The following SHOC1 variants were observed in gnomAD, a reference collection of about 807,000 sequenced individuals.
SHOC1 encodes protein shortage in chiasmata 1 ortholog.
In SHOC1, 136 loss-of-function variants were observed where a neutral mutation model predicts 179.2. That is an observed-to-expected ratio of 0.76 (90% CI 0.66 to 0.87). The LOEUF is 0.87. Among genes scored for constraint, SHOC1 ranks in the 40% least tolerant of loss-of-function variants. The pLI, the probability that SHOC1 is intolerant of heterozygous loss-of-function variation, is 0.00. For synonymous variants in SHOC1, 489 were observed against 586.6 expected (o/e 0.83, Z 2.41); for missense variants, 1,538 against 1,700.8 (o/e 0.90, Z 1.68).
intron 18 of SHOC1, among the ~76,000 whole-genome samples, chr9:111,710,299 A>G (rs7019560): frequency 0.057 from 8,675 of 152,212 alleles, 630 homozygotes; most frequent in African/African-American, 0.17. Flanking sequence ...GATACATGAT[A>G]ACTTTGTCAA....
chr9:111,717,465 C>T (rs975535578), intron 16 of SHOC1, among the ~76,000 whole-genome samples: 3 of 151,782 alleles, frequency 2.0e-5, no homozygotes, highest in East Asian at 1.9e-4. Flanking sequence ...TGGTGGCGGG[C>T]GCCTGTAATT....
chr9:111,695,879 T>C (rs1019823558), intron 24 of SHOC1, among the ~76,000 whole-genome samples: 2 of 152,216 alleles, frequency 1.3e-5, no homozygotes, highest in African/African-American at 4.8e-5. Flanking sequence ...GTTGATATGC[T>C]ACAGCGATGC....
rs868770816 is a variant in SHOC1, at chr9:111,706,663, T to C, written c.2642A>G (p.Asn881Ser). ...AGTCCAACAAGAGTCTTCCACATAA[T>C]TGTATTCCACCACAAATGAGAAATT... The part of the protein sequence containing the change: ...WSNFSFVVEY[N>S]YVEDSCWTKH... The change falls in exon 20 of 28, where the codon AAT becomes AGT. Residue 881 changes from asparagine to serine, a missense_variant. Transcript: ENST00000682961. 4 of 1,609,222 alleles carry C rather than the reference T, an allele frequency of 2.5e-6. No individual in the cohort carries two copies. The highest frequency in any genetic ancestry group is 3.3e-4 in the Middle Eastern group (2 of 6,044).
chr9:111,753,204 A>C (rs1013670620), intron 8 of SHOC1, among the ~76,000 whole-genome samples: 1 of 152,252 alleles, frequency 6.6e-6, no homozygotes, highest in African/African-American at 2.4e-5. Context: ...ACGCTTGCTC[A>C]GTTGCCTTCA....
intron 12 of SHOC1, among the ~76,000 whole-genome samples, chr9:111,734,905 A>G (rs937849976): frequency 1.3e-5 from 2 of 152,182 alleles, no homozygotes; most frequent in African/African-American, 4.8e-5. Context: ...GGTTTGGGCT[A>G]TGACTGATCC....
At chr9:111,688,286 T>C (rs189241180) in intron 27 of SHOC1, among the ~76,000 whole-genome samples, 16 of 152,346 alleles carry the variant, frequency 1.1e-4, no homozygotes, top group Admixed American at 9.8e-4. Flanking sequence ...AAATTTCTTT[T>C]TCTATAGCTG....
intron 3 of SHOC1, among the ~76,000 whole-genome samples, chr9:111,782,933 T>A (rs1836127641): frequency 6.6e-6 from 1 of 151,378 alleles, no homozygotes; most frequent in African/African-American, 2.4e-5. Flanking sequence ...ACCTGCAAAC[T>A]CTATCTTCCT....
chr9:111,774,843 T>C (rs961287036), intron 5 of SHOC1, among the ~76,000 whole-genome samples: 10 of 152,116 alleles, frequency 6.6e-5, no homozygotes, highest in Admixed American at 1.3e-4. Context: ...AATAATCACA[T>C]AATAGAACCT....
intron 1 of SHOC1, among the ~76,000 whole-genome samples, chr9:111,793,392 A>G (rs977241706): frequency 1.7e-4 from 26 of 152,206 alleles, no homozygotes; most frequent in African/African-American, 6.3e-4. Flanking sequence ...ACTCTCACCA[A>G]TTACCTTAAG....
rs182278439 is a variant in SHOC1, at chr9:111,732,814, G to C, written c.1418-4765C>G. On this transcript the variant is annotated intron_variant, in intron 12 of 27. Coordinates refer to ENST00000682961, the MANE Select transcript of SHOC1 (RefSeq NM_001378211.1). ...GAGAATGACTGCAAAGGGGCATAAA[G>C]AAACGTTTTTATGATAGAAATACTC... Among the ~76,000 whole-genome samples the C allele has an allele frequency of 4.6e-5, 7 of 152,300 alleles. No individual in the cohort carries two copies. In the East Asian group the frequency reaches 1.3e-3, roughly 29 times the overall value.
chr9:111,728,409 T>C (rs960759442), intron 12 of SHOC1, among the ~76,000 whole-genome samples: 1 of 152,132 alleles, frequency 6.6e-6, no homozygotes, highest in Non-Finnish European at 1.5e-5. Context: ...GCAATACATA[T>C]AACTGACAAA....
chr9:111,716,390 T>TA (rs1832790861), intron 16 of SHOC1, among the ~76,000 whole-genome samples: 1 of 139,264 alleles, frequency 7.2e-6, no homozygotes, highest in African/African-American at 2.7e-5. Flanking sequence ...CCTTTTTTTT[T>TA]TTTTTTTTTT....
In SHOC1 at chr9:111,738,338, C is replaced by T. The variant is rs1833895872; in HGVS notation, c.1359G>A (p.Leu453=). 1 of 1,611,330 alleles carries T rather than the reference C, an allele frequency of 6.2e-7. No homozygotes were observed. The highest frequency in any genetic ancestry group is 8.5e-7 in the Non-Finnish European group (1 of 1,178,928). Residue 453 remains leucine, a synonymous_variant, in exon 12 of 28, where the codon TTG becomes TTA. Transcript: ENST00000682961. The stretch of plus-strand genomic sequence containing the variant: ...TCTCAATTTTAGTGTCATTAGAAGA[C>T]AAATTATCATGACATAAATATGTAT... The part of the protein sequence containing the change: ...HLNTYLCHDN[L]SSNDTKIEIF...
Position 111,700,066 on chromosome 9 carries a change from C to T in SHOC1, c.3090-19G>A, listed in dbSNP as rs1345255811. On this transcript the variant is annotated intron_variant, in intron 23 of 27. Coordinates refer to ENST00000682961, the MANE Select transcript of SHOC1 (RefSeq NM_001378211.1). Reference sequence around the variant, plus strand: ...CAGATACCTACAAAGAATTATATTACTATATTTCTATTCATTTGATATCAG... The same window carrying T: ...CAGATACCTACAAAGAATTATATTATTATATTTCTATTCATTTGATATCAG... The T allele has an allele frequency of 3.5e-6, 4 of 1,146,628 alleles. No homozygotes were observed. The highest frequency in any genetic ancestry group is 5.1e-6 in the Non-Finnish European group (4 of 777,312). The allele number at this position is 1,146,628 out of a possible 1,614,324, so 71.0% of individuals were successfully genotyped here. A position where few individuals can be genotyped will look rare whatever the true frequency, so the allele number is the denominator to read the frequency against.
chr9:111,793,942 C>G (rs1836534954), intron 1 of SHOC1, among the ~76,000 whole-genome samples: 1 of 151,998 alleles, frequency 6.6e-6, no homozygotes, highest in Admixed American at 6.6e-5. Context: ...ACCTCCAGCT[C>G]CCGGGTTCAA....
rs76496615 is a variant in SHOC1, at chr9:111,756,675, C to T, written c.709-197G>A. Among the ~76,000 whole-genome samples, 47 of 152,306 alleles carry T rather than the reference C, an allele frequency of 3.1e-4. No individual in the cohort carries two copies. In the East Asian group the frequency reaches 8.9e-3, roughly 29 times the overall value. Reference sequence around the variant, plus strand: ...AATACGTTCTATTATAAGCAATGTTCTCTCTGAGTATTGTATTTTATGGTC... The same window carrying T: ...AATACGTTCTATTATAAGCAATGTTTTCTCTGAGTATTGTATTTTATGGTC... On this transcript the variant is annotated intron_variant, in intron 7 of 27. Coordinates refer to ENST00000682961, the MANE Select transcript of SHOC1 (RefSeq NM_001378211.1).
At chr9:111,698,184 T>A (rs557132707) in intron 24 of SHOC1, among the ~76,000 whole-genome samples, 134 of 152,222 alleles carry the variant, frequency 8.8e-4, no homozygotes, top group Non-Finnish European at 1.5e-3. Context: ...TGTGAAGAAG[T>A]TCTTTAGTTT....
At chr9:111,759,276 G>C in intron 5 of SHOC1, 2 of 1,613,268 alleles carry the variant, frequency 1.2e-6, no homozygotes, top group Non-Finnish European at 1.7e-6. Flanking sequence ...TCATCCCCCA[G>C]AGTCTCTGAC....
At chr9:111,705,423 C>CT (rs34081368) in intron 20 of SHOC1, 59 bp from the exon 21 acceptor site, 200,820 of 526,278 alleles carry the variant, frequency 0.38, 19,434 homozygotes, top group East Asian at 0.58. Flanking sequence ...AGCTCTTTCT[C>CT]TTTTTTTTTT....
Sources: allele counts gnomAD v4.1 joint callset (sites outside exome capture counted in the v4.1 genomes callset), GRCh38; gene constraint gnomAD v4.1.1; transcripts MANE v1.5; gene names NCBI Gene and HGNC (gene_info 2026-07-23, HGNC 2026-07-21).